HMGCL: variants seen among roughly 807,000 people sequenced by gnomAD.
The protein encoded by HMGCL is hydroxymethylglutaryl-CoA lyase, mitochondrial.
HMGCL carries 26 observed loss-of-function variants against 37.3 expected under a neutral mutation model. That is an observed-to-expected ratio of 0.70 (90% CI 0.51 to 0.97). The LOEUF (loss-of-function observed/expected upper bound fraction) is 0.97, where lower values mean the gene tolerates loss of function less well. Ranked by LOEUF, HMGCL falls within the 50% of genes least tolerant of loss-of-function variation. The probability of loss-of-function intolerance (pLI) is 0.00; values close to 1 mark genes in which losing one functional copy is unlikely to be tolerated. For missense variants in HMGCL, 379 were observed against 398.1 expected, an observed-to-expected ratio of 0.95 and a Z score of 0.41; for synonymous variants, 151 against 148.0, an observed-to-expected ratio of 1.02 and a Z score of -0.15.
At chr1:23,803,031 C>G (rs1557485002) in intron 8 of HMGCL, among the ~76,000 whole-genome samples, 1 of 152,138 alleles carries the variant, frequency 6.6e-6, no homozygotes, top group Non-Finnish European at 1.5e-5. Context: ...TTCTACATAA[C>G]TTTTCTTTCT....
rs1638284129 is a variant in HMGCL at position 23,801,931 on chromosome 1, A to G, written c.*532T>C. On this transcript the variant is annotated 3_prime_UTR_variant, in exon 9 of 9. Transcript: ENST00000374490. ...TTAATTACATAAGCTGTTTTCAAAAATCACATTCAGCGTGGAGATTTTCCA... is the reference window on the plus strand; with the variant it reads ...TTAATTACATAAGCTGTTTTCAAAAGTCACATTCAGCGTGGAGATTTTCCA... 1 of 422,760 alleles carries G rather than the reference A, an allele frequency of 2.4e-6. No homozygotes were observed. The highest frequency in any genetic ancestry group is 9.0e-5 in the South Asian group (1 of 11,092). The allele number at this position is 422,760 out of a possible 1,614,324, so 26.2% of individuals were successfully genotyped here.
chr1:23,806,362 C>T lies in HMGCL; in HGVS notation c.750+1773G>A, dbSNP rs1207933848. ...GAAAGAGTCAAAGTCCTACAAGGCC[C>T]CCGATCTGGCCTTCCTCTAACCCTG... On this transcript the variant is annotated intron_variant, in intron 7 of 8. Coordinates refer to ENST00000374490, the MANE Select transcript of HMGCL (RefSeq NM_000191.3). The surrounding 1 kb of genome is among the most constrained non-coding windows in gnomAD (Gnocchi z 4.0). 1.3e-5 allele frequency among the ~76,000 whole-genome samples: 2 copies of T among 152,162 alleles called. No homozygotes were observed. The highest frequency in any genetic ancestry group is 4.1e-4 in the South Asian group (2 of 4,834).
At chr1:23,810,518 A>T (rs563829170) in intron 6 of HMGCL, 1 of 547,810 alleles carries the variant, frequency 1.8e-6, no homozygotes, top group East Asian at 3.3e-5. Context: ...CAGGCTGGAT[A>T]GAGGCCAGGG....
Position 23,808,253 on chromosome 1 carries a change from G to C in HMGCL, c.632C>G (p.Pro211Arg), listed in dbSNP as rs1638448580. Reference sequence around the variant, plus strand: ...AGATAGCATGTCTTTCATGATCCCTGGGGTGCCCACACCAATGGTGTCCCC... The same window carrying C: ...AGATAGCATGTCTTTCATGATCCCTCGGGTGCCCACACCAATGGTGTCCCC... ...SLGDTIGVGT[P>R]GIMKDMLSAV... Residue 211 changes from proline to arginine, a missense_variant, in exon 7 of 9, where the codon CCA becomes CGA. Coordinates refer to ENST00000374490, the MANE Select transcript of HMGCL (RefSeq NM_000191.3). 1 of 1,613,876 alleles carries C rather than the reference G, an allele frequency of 6.2e-7. No homozygotes were observed. The highest frequency in any genetic ancestry group is 2.2e-5 in the East Asian group (1 of 44,886).
intron 5 of HMGCL, among the ~76,000 whole-genome samples, chr1:23,812,164 G>A (rs920399599): frequency 1.3e-5 from 2 of 151,822 alleles, no homozygotes; most frequent in Non-Finnish European, 3.0e-5. Flanking sequence ...GCACGGTCTA[G>A]TGGGGTGGGG....
At chr1:23,824,284 G>A (rs1482575174) in intron 1 of HMGCL, among the ~76,000 whole-genome samples, 1 of 152,198 alleles carries the variant, frequency 6.6e-6, no homozygotes, top group Non-Finnish European at 1.5e-5. Flanking sequence ...ATCACAATTA[G>A]AAAGTGACAG....
At chr1:23,818,702 C>G (rs944215817) in intron 2 of HMGCL, among the ~76,000 whole-genome samples, 1 of 151,998 alleles carries the variant, frequency 6.6e-6, no homozygotes, top group Non-Finnish European at 1.5e-5. Context: ...CACAAGCATG[C>G]CACCACCCCA....
intron 6 of HMGCL, 142 bp from the exon 7 acceptor site, chr1:23,808,465 A>C: frequency 1.3e-6 from 1 of 743,612 alleles, no homozygotes. Context: ...GCTCCTCACC[A>C]CTCCAACTGG....
intron 1 of HMGCL, 37 bp downstream of exon 1, chr1:23,825,319 C>A: frequency 6.5e-7 from 1 of 1,528,160 alleles, no homozygotes; most frequent in Non-Finnish European, 8.9e-7. Flanking sequence ...GTCAGAGTGC[C>A]TGCAGGGCCG....
chr1:23,822,715 T>C lies in HMGCL; in HGVS notation c.61-2122A>G, dbSNP rs1270127254. 2.6e-5 allele frequency among the ~76,000 whole-genome samples: 4 copies of C among 152,176 alleles called. No individual in the cohort carries two copies. In the East Asian group the frequency reaches 7.7e-4, roughly 29 times the overall value. ...AAGGTCCCTGCAACTTGAATCTCCC[T>C]CCAACAGGGATGTTCAGCCTCTGCT... On this transcript the variant is annotated intron_variant, in intron 1 of 8. Transcript: ENST00000374490.
At position 23,804,762 on chromosome 1, in the gene HMGCL, T is replaced by G. The variant is rs575977785; in HGVS notation, c.751-237A>C. Among the ~76,000 whole-genome samples the G allele has an allele frequency of 2.6e-5, 4 of 152,300 alleles. No individual in the cohort carries two copies. The South Asian group carries it at 8.3e-4, about 32-fold the overall frequency. On this transcript the variant is annotated intron_variant, in intron 7 of 8. Coordinates refer to ENST00000374490, the MANE Select transcript of HMGCL (RefSeq NM_000191.3). ...TTCCTTTCATGGTGAACTCTCATTC[T>G]TTAGGTTCCAGTCTGAAAGCCACCT... is the stretch of plus-strand genomic sequence containing the variant.
intron 8 of HMGCL, among the ~76,000 whole-genome samples, chr1:23,802,770 G>T (rs543611993): frequency 6.6e-6 from 1 of 152,292 alleles, no homozygotes; most frequent in Admixed American, 6.5e-5. Flanking sequence ...CATGTAAGAT[G>T]CCCAATCTCT....
At chr1:23,804,288 C>G in intron 8 of HMGCL, 112 bp downstream of exon 8, 1 of 1,350,792 alleles carries the variant, frequency 7.4e-7, no homozygotes, top group Non-Finnish European at 1.0e-6. Context: ...CCCTTTCCCT[C>G]TTTACTCCTC....
chr1:23,822,636 T>C (rs147295850), intron 1 of HMGCL, among the ~76,000 whole-genome samples: 1 of 152,228 alleles, frequency 6.6e-6, no homozygotes, highest in East Asian at 1.9e-4. Context: ...CAAGCTTTCT[T>C]AGAGACTAAG....
chr1:23,815,252 A>G (rs1638591866), intron 4 of HMGCL, among the ~76,000 whole-genome samples: 1 of 151,938 alleles, frequency 6.6e-6, no homozygotes, highest in Non-Finnish European at 1.5e-5. Flanking sequence ...ACAGAGACAC[A>G]GAAAAGGTGG....
Position 23,820,489 on chromosome 1 carries a change from T to C in HMGCL, c.144+21A>G, listed in dbSNP as rs768286138. The C allele has an allele frequency of 3.0e-5, 48 of 1,582,902 alleles. 1 individual carries two copies. The highest frequency in any genetic ancestry group is 1.5e-4 in the South Asian group (14 of 90,446). On this transcript the variant is annotated intron_variant, in intron 2 of 8. Transcript: ENST00000374490. Reference sequence around the variant, plus strand: ...GCAGATGCTTGAAAAAACTGTTTTTTTGGCTCATTTCCAACTTTACCTTTT... The same window carrying C: ...GCAGATGCTTGAAAAAACTGTTTTTCTGGCTCATTTCCAACTTTACCTTTT...
intron 1 of HMGCL, among the ~76,000 whole-genome samples, chr1:23,822,397 A>T (rs745694862): frequency 2.6e-5 from 4 of 152,152 alleles, no homozygotes; most frequent in Non-Finnish European, 5.9e-5. Context: ...CTATCAAGTA[A>T]CACAATACTT....
At chr1:23,816,867 A>T (rs759233267) in intron 3 of HMGCL, 97 bp from the exon 4 acceptor site, 7 of 800,094 alleles carry the variant, frequency 8.7e-6, no homozygotes, top group Middle Eastern at 2.2e-4. Flanking sequence ...TGTTCTCCAG[A>T]ACTCTTAGCG....
intron 1 of HMGCL, among the ~76,000 whole-genome samples, chr1:23,824,297 C>A (rs1638777193): frequency 6.6e-6 from 1 of 152,222 alleles, no homozygotes. Flanking sequence ...AGTGACAGAG[C>A]TTGGACTTGA....
Sources: gnomAD v4.1 joint callset for allele counts (sites outside exome capture counted in the v4.1 genomes callset) on GRCh38, gnomAD v4.1.1 for gene constraint, Gnocchi (gnomAD v3.1) non-coding constraint, MANE v1.5 for transcripts, NCBI Gene and HGNC (gene_info 2026-07-23, HGNC 2026-07-21) for gene names.